CDH4: variants seen among roughly 807,000 people sequenced by gnomAD.
The protein encoded by CDH4 is cadherin 4, also known as cadherin-4.
Under a neutral mutation model 86.0 loss-of-function variants are expected in CDH4, and 33 were observed. The ratio of observed to expected loss-of-function variants is 0.38; its 90% CI spans 0.29 to 0.51. CDH4 has a LOEUF of 0.51. Among genes scored for constraint, CDH4 ranks in the 20% least tolerant of loss-of-function variants. The pLI, the probability that CDH4 is intolerant of heterozygous loss-of-function variation, is 0.86. For missense variants in CDH4, 1,114 were observed against 1,307.4 expected (o/e 0.85, Z 2.28); for synonymous variants, 555 against 549.4 (o/e 1.01, Z -0.14).
rs555654600 is a variant in CDH4 at position 61,921,132 on chromosome 20, G to A, written c.1375-2319G>A. On this transcript the variant is annotated intron_variant, in intron 9 of 15. Transcript: ENST00000614565. Reference sequence around the variant, plus strand: ...GGAAGCGTGGTGTCACGGTGATTGTGTGGAAGCGTGGTGTCATGATTGCAT... The same window carrying A: ...GGAAGCGTGGTGTCACGGTGATTGTATGGAAGCGTGGTGTCATGATTGCAT... 2.9e-4 allele frequency among the ~76,000 whole-genome samples: 44 copies of A among 150,304 alleles called. 1 individual carries two copies. The South Asian group carries it at 8.7e-3, about 30-fold the overall frequency.
At chr20:61,352,901 C>T (rs1219618086) in intron 2 of CDH4, among the ~76,000 whole-genome samples, 1 of 152,144 alleles carries the variant, frequency 6.6e-6, no homozygotes, top group Non-Finnish European at 1.5e-5. Context: ...GTGTCAATGT[C>T]CCATCCTTGC....
At chr20:61,805,580 C>T (rs535143752) in intron 4 of CDH4, among the ~76,000 whole-genome samples, 1 of 152,368 alleles carries the variant, frequency 6.6e-6, no homozygotes, top group East Asian at 1.9e-4. Flanking sequence ...AGAGGGCAGC[C>T]TGCCCGGGGG....
rs1326857858 is a variant in CDH4, at chr20:61,565,180, GGTGGTGGTCCTCTTGGTGGTGGTC to G, written c.170-178381_170-178358del. On this transcript the variant is annotated intron_variant, in intron 2 of 15. Transcript: ENST00000614565. ...GTCCTCTTGGTGATGGGGTGGTGGTGGTGGTGGTCCTCTTGGTGGTGGTCGCGGTGCTCTCGGTGGTAGGTGGTG... is the reference window on the plus strand; with the variant it reads ...GTCCTCTTGGTGATGGGGTGGTGGTGGCGGTGCTCTCGGTGGTAGGTGGTG... Among the ~76,000 whole-genome samples the G allele has an allele frequency of 5.0e-4, 52 of 103,756 alleles. 2 individuals carry two copies. The highest frequency in any genetic ancestry group is 9.2e-4 in the African/African-American group (25 of 27,284). The allele number at this position is 103,756 out of a possible 152,430, so 68.1% of individuals were successfully genotyped here. A position where few individuals can be genotyped will look rare whatever the true frequency, so the allele number is the denominator to read the frequency against.
intron 2 of CDH4, among the ~76,000 whole-genome samples, chr20:61,715,559 C>CAG (rs1441569283): frequency 6.6e-6 from 1 of 152,210 alleles, no homozygotes; most frequent in Non-Finnish European, 1.5e-5. Flanking sequence ...TTCACGAGGG[C>CAG]AGAGCCCTGA....
At chr20:61,926,084 C>T (rs2055041519) in intron 11 of CDH4, among the ~76,000 whole-genome samples, 1 of 152,206 alleles carries the variant, frequency 6.6e-6, no homozygotes. Flanking sequence ...GCAGCGTCTG[C>T]CCCAAGGAGA....
At chr20:61,559,769 T>G (rs1447369445) in intron 2 of CDH4, among the ~76,000 whole-genome samples, 2 of 152,008 alleles carry the variant, frequency 1.3e-5, no homozygotes, top group African/African-American at 4.8e-5. Flanking sequence ...CCCACCCACC[T>G]CCGCCTCCCA....
At chr20:61,628,768 C>T (rs2145784814) in intron 2 of CDH4, among the ~76,000 whole-genome samples, 1 of 152,328 alleles carries the variant, frequency 6.6e-6, no homozygotes, top group East Asian at 1.9e-4. Context: ...ACAGAGCCTG[C>T]TCCCCAGCCC....
intron 2 of CDH4, among the ~76,000 whole-genome samples, chr20:61,418,843 A>C (rs6061373): frequency 6.6e-6 from 1 of 151,666 alleles, no homozygotes; most frequent in African/African-American, 2.4e-5. Context: ...CAGCACCCCC[A>C]CACCCCCGCA....
chr20:61,521,031 C>T (rs1002729738), intron 2 of CDH4, among the ~76,000 whole-genome samples: 1 of 152,146 alleles, frequency 6.6e-6, no homozygotes, highest in African/African-American at 2.4e-5. Context: ...GGGCCCGCAC[C>T]CACCTCCTTA....
intron 2 of CDH4, among the ~76,000 whole-genome samples, chr20:61,598,173 GACCCCACTGC>G (rs1358003540): frequency 6.6e-6 from 1 of 152,126 alleles, no homozygotes; most frequent in African/African-American, 2.4e-5. Context: ...TGGATGGGAA[GACCCCACTGC>G]CCTCTGATCT....
intron 6 of CDH4, among the ~76,000 whole-genome samples, chr20:61,861,544 G>A (rs533844663): frequency 2.6e-4 from 39 of 152,140 alleles, no homozygotes; most frequent in South Asian, 4.2e-4. Flanking sequence ...CCGCCTGTGC[G>A]TTAGGAATGC....
At chr20:61,342,800 T>C (rs6071588) in intron 2 of CDH4, among the ~76,000 whole-genome samples, 91,387 of 152,210 alleles carry the variant, frequency 0.6, 28,102 homozygotes, top group African/African-American at 0.76. Context: ...CTGTTAATCA[T>C]GGAGACCGTG....
At chr20:61,280,411 G>A (rs2123160821) in intron 2 of CDH4, among the ~76,000 whole-genome samples, 1 of 152,316 alleles carries the variant, frequency 6.6e-6, no homozygotes, top group South Asian at 2.1e-4. Context: ...CGCGTGTGAG[G>A]ACGCCAGGTG....
In CDH4 at chr20:61,754,804, CCA is replaced by C. The variant is rs978688957; in HGVS notation, c.396+11023_396+11024del. 1.3e-5 allele frequency among the ~76,000 whole-genome samples: 2 copies of C among 148,748 alleles called. No individual in the cohort carries two copies. Among genetic ancestry groups the C allele is most frequent in the African/African-American group, 2.5e-5 (1 of 40,318 alleles). ...ACACACACACTGCACGCCACACACA[CCA>C]CACACACGATGCATGCCACACACCA... On this transcript the variant is annotated intron_variant, in intron 3 of 15. Transcript: ENST00000614565. The surrounding 1 kb of genome is among the most constrained non-coding windows in gnomAD (Gnocchi z 4.7).
Position 61,676,986 on chromosome 20 carries a change from C to T in CDH4, c.170-66577C>T, listed in dbSNP as rs1277387818. Reference sequence around the variant, plus strand: ...GGGGCAGGAGGGGCTGTGGTGTGGCCCCAGCAGAGCAGACCAGGAGGGTGC... The same window carrying T: ...GGGGCAGGAGGGGCTGTGGTGTGGCTCCAGCAGAGCAGACCAGGAGGGTGC... On this transcript the variant is annotated intron_variant, in intron 2 of 15. Transcript: ENST00000614565. This position sits in a 1 kb window ranked among gnomAD's most constrained non-coding sequence, Gnocchi z 4.5. Among the ~76,000 whole-genome samples the T allele has an allele frequency of 6.6e-6, 1 of 152,066 alleles. No individual in the cohort carries two copies. Among genetic ancestry groups the T allele is most frequent in the African/African-American group, 2.4e-5 (1 of 41,422 alleles).
chr20:61,809,842 C>T (rs532586523), intron 4 of CDH4, among the ~76,000 whole-genome samples: 5 of 152,232 alleles, frequency 3.3e-5, no homozygotes, highest in Admixed American at 2.0e-4. Context: ...AGAGTGAGGA[C>T]GGTGAGGTCG....
At chr20:61,756,332 C>T (rs925961557) in intron 3 of CDH4, among the ~76,000 whole-genome samples, 5 of 152,280 alleles carry the variant, frequency 3.3e-5, no homozygotes, top group African/African-American at 4.8e-5. Flanking sequence ...AGAGGGGTTG[C>T]TGAGCTGTGG....
chr20:61,726,531 C>G (rs1307090009), intron 2 of CDH4, among the ~76,000 whole-genome samples: 1 of 152,106 alleles, frequency 6.6e-6, no homozygotes, highest in Non-Finnish European at 1.5e-5. Flanking sequence ...TGGTACATTC[C>G]CAGGCATGTG....
At chr20:61,627,647 T>C (rs2086841258) in intron 2 of CDH4, among the ~76,000 whole-genome samples, 1 of 152,122 alleles carries the variant, frequency 6.6e-6, no homozygotes, top group Non-Finnish European at 1.5e-5. Flanking sequence ...GAAGGTCCTT[T>C]GTGTGCCTGG....
Sources: gnomAD v4.1 joint callset for allele counts (sites outside exome capture counted in the v4.1 genomes callset) on GRCh38, gnomAD v4.1.1 for gene constraint, Gnocchi (gnomAD v3.1) non-coding constraint, MANE v1.5 for transcripts, NCBI Gene and HGNC (gene_info 2026-07-23, HGNC 2026-07-21) for gene names.